Variants in IL3RA observed in about 807,000 individuals in gnomAD.
IL3RA encodes the protein interleukin 3 receptor subunit alpha.
IL3RA carries 73 observed loss-of-function variants against 52.3 expected under a neutral mutation model. The observed-to-expected ratio is 1.40, with a 90% CI of 1.16 to 1.70. The LOEUF (loss-of-function observed/expected upper bound fraction) is 1.70, where lower values mean the gene tolerates loss of function less well. IL3RA is among the 40% of genes most tolerant of loss of function. IL3RA has a pLI of 0.00. For missense variants in IL3RA, 664 were observed against 504.4 expected (o/e 1.32, Z -3.03); for synonymous variants, 260 against 194.0 (o/e 1.34, Z -2.83).
chrX:1,343,981 C>A (rs779763395), intron 2 of IL3RA, among the ~76,000 whole-genome samples: 1 of 151,408 alleles, frequency 6.6e-6, no homozygotes, highest in African/African-American at 2.4e-5. Flanking sequence ...TTTTTAGTCG[C>A]GACGGGGTTT....
At chrX:1,358,783 G>A (rs1212812122) in intron 7 of IL3RA, 78 bp from the exon 8 acceptor site, 3 of 1,539,064 alleles carry the variant, frequency 1.9e-6, no homozygotes, top group Admixed American at 1.7e-5. Flanking sequence ...TTCCTGGAGG[G>A]AGAAATTTGA....
chrX:1,343,013 T>A lies in IL3RA; in HGVS notation c.64+1184T>A, dbSNP rs1192545428. On this transcript the variant is annotated intron_variant, in intron 2 of 11. Transcript: ENST00000331035. The stretch of plus-strand genomic sequence containing the variant: ...TCGCTTGAACCCGGGAGGAGGAGGT[T>A]GCAGTGAGCCTAGATCACGCCATTG... 2.0e-5 allele frequency among the ~76,000 whole-genome samples: 3 copies of A among 151,570 alleles called. No individual in the cohort carries two copies. In the East Asian group the frequency reaches 6.0e-4, roughly 30 times the overall value.
intron 4 of IL3RA, among the ~76,000 whole-genome samples, chrX:1,349,369 A>C (rs1277587133): frequency 2.0e-5 from 3 of 151,636 alleles, no homozygotes; most frequent in Non-Finnish European, 4.4e-5. Flanking sequence ...TTTAGTAGAG[A>C]TGGGGTTTCA....
intron 9 of IL3RA, among the ~76,000 whole-genome samples, chrX:1,368,089 C>G (rs1345407274): frequency 1.3e-5 from 2 of 152,002 alleles, no homozygotes; most frequent in Non-Finnish European, 2.9e-5. Context: ...GAAACCCGGT[C>G]TCTACAAAAA....
intron 10 of IL3RA, 150 bp from the exon 11 acceptor site, chrX:1,380,873 C>A (rs1404078619): frequency 1.4e-6 from 1 of 708,550 alleles, no homozygotes; most frequent in Non-Finnish European, 2.5e-6. Flanking sequence ...CGTGTCAGGG[C>A]CTCAGGGGCC....
chrX:1,342,229 G>C lies in IL3RA; in HGVS notation c.64+400G>C, dbSNP rs2085521068. 2.0e-5 allele frequency among the ~76,000 whole-genome samples: 3 copies of C among 150,914 alleles called. 1 individual carries two copies. The highest frequency in any genetic ancestry group is 4.2e-4 in the South Asian group (2 of 4,764). ...TGCCCAGGCTGGAGTGCAATAGTGT[G>C]ATCTCGGCTCACTGCAACCTCTGCC... On this transcript the variant is annotated intron_variant, in intron 2 of 11. Coordinates refer to ENST00000331035, the MANE Select transcript of IL3RA (RefSeq NM_002183.4).
At chrX:1,356,182 T>C (rs768827507) in intron 6 of IL3RA, 39 bp from the exon 7 acceptor site, 3 of 1,213,556 alleles carry the variant, frequency 2.5e-6, no homozygotes, top group East Asian at 4.7e-5. Context: ...ATTGATTTCT[T>C]GTACTCCTAA....
intron 6 of IL3RA, among the ~76,000 whole-genome samples, chrX:1,353,629 C>T (rs1313054236): frequency 0.018 from 172 of 9,606 alleles, 2 homozygotes; most frequent in African/African-American, 0.022. Context: ...GGTCATGGGA[C>T]CCCCCCCATC....
At chrX:1,366,455 G>C (rs1423273506) in intron 9 of IL3RA, among the ~76,000 whole-genome samples, 9 of 70,282 alleles carry the variant, frequency 1.3e-4, no homozygotes, top group Non-Finnish European at 1.9e-4. Flanking sequence ...GGTGAGCCGG[G>C]TGCGCGGGGT....
chrX:1,364,778 C>T (rs1177800817), intron 8 of IL3RA, among the ~76,000 whole-genome samples: 25 of 142,498 alleles, frequency 1.8e-4, no homozygotes, highest in Middle Eastern at 7.6e-3. Context: ...GCACCCAGCC[C>T]CTCTTTTCTT....
At chrX:1,348,207 G>A (rs2085855430) in intron 3 of IL3RA, among the ~76,000 whole-genome samples, 1 of 150,550 alleles carries the variant, frequency 6.6e-6, no homozygotes, top group Non-Finnish European at 1.5e-5. Context: ...TTAAAAATTA[G>A]CTGGGCGTGG....
At chrX:1,360,973 CTG>C (rs1384737257) in intron 8 of IL3RA, among the ~76,000 whole-genome samples, 2 of 96,388 alleles carry the variant, frequency 2.1e-5, no homozygotes, top group Admixed American at 9.4e-5. Flanking sequence ...CTTCCCCTCT[CTG>C]TCTCTCTCTC....
In IL3RA at chrX:1,347,282, A is replaced by G. The variant is rs779317750; in HGVS notation, c.184-1149A>G. ...AACACGGTGAAACCCCGTCTCTACT[A>G]AAAATATAAAAATTAGCCGGGCGTG... On this transcript the variant is annotated intron_variant, in intron 3 of 11. Coordinates refer to ENST00000331035, the MANE Select transcript of IL3RA (RefSeq NM_002183.4). Among the ~76,000 whole-genome samples, 9 of 117,106 alleles carry G rather than the reference A, an allele frequency of 7.7e-5. No individual in the cohort carries two copies. The East Asian group carries it at 1.8e-3, about 24-fold the overall frequency. 76.8% of individuals were successfully genotyped at this position (117,106 alleles called of 152,430 possible). A position where few individuals can be genotyped will look rare whatever the true frequency, so the allele number is the denominator to read the frequency against.
At position 1,365,174 on chromosome X, in the gene IL3RA, G is replaced by A. The variant is rs756626301; in HGVS notation, c.796G>A (p.Gly266Arg). 3 of 1,611,138 alleles carry A rather than the reference G, an allele frequency of 1.9e-6. No homozygotes were observed. The highest frequency in any genetic ancestry group is 2.2e-5 in the East Asian group (1 of 44,814). ...DRTSFQLLNP[G>R]TYTVQIRARE... is the part of the protein sequence containing the mutation. ...AACCTCCTTCCAGCTACTCAATCCT[G>A]GAACGTACACAGTACAAATAAGAGC... Residue 266 changes from glycine (G) to arginine (R), a missense_variant, in exon 9 of 12, where the codon GGA (glycine) becomes AGA (arginine). By Grantham distance (125) the Gly-to-Arg change is moderately radical. Transcript: ENST00000331035.
rs774033458 is a variant in IL3RA, at chrX:1,345,377, C to T, written c.126C>T (p.Asp42=). 4 of 1,611,054 alleles carry T rather than the reference C, an allele frequency of 2.5e-6. No homozygotes were observed. Among genetic ancestry groups the T allele is most frequent in the Non-Finnish European group, 3.4e-6 (4 of 1,178,260 alleles). ...MKAKAQQLTW[D]LNRNVTDIEC... is the part of the protein sequence containing the mutation. ...CAAAGGCTCAGCAGTTGACCTGGGA[C>T]CTTAACAGAAATGTGACCGATATCG... is the stretch of plus-strand genomic sequence containing the variant. Residue 42 remains aspartate (D), a synonymous_variant, in exon 3 of 12, where the codon GAC becomes GAT. Transcript: ENST00000331035.
At chrX:1,349,166 C>G (rs1157288835) in intron 4 of IL3RA, among the ~76,000 whole-genome samples, 2 of 143,846 alleles carry the variant, frequency 1.4e-5, no homozygotes, top group Non-Finnish European at 3.0e-5. Context: ...TACCACCATG[C>G]CCACCTAATT....
chrX:1,344,704 T>G (rs1434410566), intron 2 of IL3RA, among the ~76,000 whole-genome samples: 1 of 143,636 alleles, frequency 7.0e-6, no homozygotes, highest in African/African-American at 2.6e-5. Flanking sequence ...ACCCGGGAGG[T>G]AGAGGTTGCG....
rs773283105 is a variant in IL3RA, at chrX:1,365,153, T to G, written c.775T>G (p.Ser259Ala). 1 of 1,609,556 alleles carries G rather than the reference T, an allele frequency of 6.2e-7. No individual in the cohort carries two copies. The highest frequency in any genetic ancestry group is 8.5e-7 in the Non-Finnish European group (1 of 1,177,570). ...VITEQVRDRT[S>A]FQLLNPGTYT... is the part of the protein sequence containing the mutation. ...CAAACCACAGGTCAGAGACAGAACC[T>G]CCTTCCAGCTACTCAATCCTGGAAC... The change falls in exon 9 of 12, where the codon TCC becomes GCC. Residue 259 changes from serine (S) to alanine (A), a missense_variant. By Grantham distance (99) the Ser-to-Ala change is moderately conservative. Transcript: ENST00000331035.
At chrX:1,352,637 G>A (rs1464169054) in intron 6 of IL3RA, 131 bp downstream of exon 6, 10 of 1,002,512 alleles carry the variant, frequency 1.0e-5, no homozygotes, top group Non-Finnish European at 1.3e-5. Context: ...GAGGCTGGAC[G>A]TTGGAGGTCA....
Sources: gnomAD v4.1 joint callset for allele counts (sites outside exome capture counted in the v4.1 genomes callset) on GRCh38, gnomAD v4.1.1 for gene constraint, MANE v1.5 for transcripts, NCBI Gene and HGNC (gene_info 2026-07-23, HGNC 2026-07-21) for gene names.